ACBD6: variants seen among roughly 807,000 people sequenced by gnomAD.
ACBD6 encodes acyl-CoA binding domain containing 6, also known as acyl-CoA-binding domain-containing protein 6.
In ACBD6, 28 loss-of-function variants were observed where a neutral mutation model predicts 37.2. The ratio of observed to expected loss-of-function variants is 0.75; its 90% CI spans 0.56 to 1.03. The LOEUF (loss-of-function observed/expected upper bound fraction) is 1.03. Among genes scored for constraint, ACBD6 ranks in the 50% least tolerant of loss-of-function variants. The pLI, the probability that ACBD6 is intolerant of heterozygous loss-of-function variation, is 0.00. For synonymous variants in ACBD6, 113 were observed against 126.8 expected (o/e 0.89, Z 0.73); for missense variants, 340 against 337.4 (o/e 1.01, Z -0.06).
chr1:180,436,872 AC>A (rs1649058859), intron 3 of ACBD6, among the ~76,000 whole-genome samples: 1 of 152,318 alleles, frequency 6.6e-6, no homozygotes, highest in South Asian at 2.1e-4. Flanking sequence ...ACAGTTAACA[AC>A]ATACTCAGTG....
chr1:180,369,105 A>C (rs1332344376), intron 6 of ACBD6, among the ~76,000 whole-genome samples: 1 of 152,226 alleles, frequency 6.6e-6, no homozygotes, highest in Non-Finnish European at 1.5e-5. Context: ...GCATCTCTGT[A>C]GGAATTCACA....
At chr1:180,397,690 T>C in intron 5 of ACBD6, 85 bp from the exon 6 acceptor site, 1 of 1,100,332 alleles carries the variant, frequency 9.1e-7, no homozygotes, top group Non-Finnish European at 1.4e-6. Context: ...GACAAGGAAA[T>C]ATAAAAAATT....
intron 6 of ACBD6, among the ~76,000 whole-genome samples, chr1:180,331,544 CAT>C (rs761622493): frequency 7.2e-5 from 11 of 152,216 alleles, no homozygotes; most frequent in Non-Finnish European, 1.5e-4. Context: ...TCCCACAGCA[CAT>C]GTTCCTTGTT....
At position 180,271,895 on chromosome 1, in the gene ACBD6, C is replaced by T. The variant is rs754434517; in HGVS notation, c.*1330G>A. 1.7e-5 allele frequency: 27 copies of T among 1,613,406 alleles called. No homozygotes were observed. The highest frequency in any genetic ancestry group is 1.0e-4 in the Admixed American group (6 of 59,952). On this transcript the variant is annotated 3_prime_UTR_variant, in exon 14 of 14. Transcript: ENST00000642319. The stretch of plus-strand genomic sequence containing the variant: ...CCTGAAGAAGGATGCAGGGCGGCAC[C>T]GCTGGGGGCAGTTCTATAAGAGCGT...
intron 6 of ACBD6, among the ~76,000 whole-genome samples, chr1:180,382,600 T>G (rs1230754350): frequency 6.6e-6 from 1 of 152,134 alleles, no homozygotes; most frequent in East Asian, 1.9e-4. Flanking sequence ...ACTGGATGGC[T>G]TCACTGCTGA....
At chr1:180,274,300 C>T (rs749029677) in intron 10 of ACBD6, 1 of 1,614,208 alleles carries the variant, frequency 6.2e-7, no homozygotes, top group South Asian at 1.1e-5. Context: ...CAGGACAATC[C>T]TATCAGGACT....
intron 2 of ACBD6, among the ~76,000 whole-genome samples, 168 bp downstream of exon 2, chr1:180,495,293 C>T (rs541111186): frequency 1.3e-5 from 2 of 152,294 alleles, no homozygotes; most frequent in East Asian, 3.9e-4. Context: ...GGAGACTTAG[C>T]TAAAAGTAGA....
intron 6 of ACBD6, among the ~76,000 whole-genome samples, chr1:180,381,382 C>T (rs904987281): frequency 6.6e-6 from 1 of 152,204 alleles, no homozygotes; most frequent in Non-Finnish European, 1.5e-5. Flanking sequence ...GAGATATTTA[C>T]AGAACGTTTT....
At chr1:180,308,312 T>C (rs746114956) in intron 7 of ACBD6, among the ~76,000 whole-genome samples, 1 of 152,212 alleles carries the variant, frequency 6.6e-6, no homozygotes, top group South Asian at 2.1e-4. Context: ...GTTTACTATG[T>C]CTGCTGTCAT....
downstream of ACBD6, among the ~76,000 whole-genome samples, chr1:180,283,398 C>T (rs1649375034): frequency 6.6e-6 from 1 of 152,124 alleles, no homozygotes; most frequent in African/African-American, 2.4e-5. Flanking sequence ...GAAAAACCCA[C>T]CCTGAGTGCC....
intron 6 of ACBD6, among the ~76,000 whole-genome samples, chr1:180,383,622 C>T (rs1290318840): frequency 1.3e-5 from 2 of 152,010 alleles, no homozygotes; most frequent in Non-Finnish European, 1.5e-5. Flanking sequence ...TTCAATGCAA[C>T]CCCTATCAAA....
At chr1:180,478,475 C>T (rs1005568059) in intron 3 of ACBD6, among the ~76,000 whole-genome samples, 4 of 151,130 alleles carry the variant, frequency 2.6e-5, no homozygotes, top group Admixed American at 6.6e-5. Context: ...AAAATTTTCC[C>T]GCTCTATAAA....
chr1:180,342,515 T>C (rs1652018899), intron 6 of ACBD6, among the ~76,000 whole-genome samples: 2 of 152,160 alleles, frequency 1.3e-5, no homozygotes, highest in South Asian at 4.1e-4. Flanking sequence ...ATCATGAACA[T>C]AATTATTTGG....
chr1:180,285,232 TAAGAAA>T, downstream of ACBD6, among the ~76,000 whole-genome samples: 1 of 152,290 alleles, frequency 6.6e-6, no homozygotes, highest in South Asian at 2.1e-4. Context: ...TATGTATCAC[TAAGAAA>T]AAATGCTGGC....
At chr1:180,408,516 T>G (rs563895221) in intron 5 of ACBD6, among the ~76,000 whole-genome samples, 3 of 151,836 alleles carry the variant, frequency 2.0e-5, no homozygotes, top group Admixed American at 2.0e-4. Context: ...CTGGGGACTG[T>G]TGTGGGGTGA....
chr1:180,500,825 T>A (rs1368672460), intron 1 of ACBD6, among the ~76,000 whole-genome samples: 1 of 101,782 alleles, frequency 9.8e-6, no homozygotes, highest in African/African-American at 3.6e-5. Flanking sequence ...ACCCAGACCC[T>A]CTGTAAAAAA....
intron 3 of ACBD6, among the ~76,000 whole-genome samples, chr1:180,454,347 T>C (rs1649832579): frequency 6.6e-6 from 1 of 152,214 alleles, no homozygotes; most frequent in South Asian, 2.1e-4. Context: ...ATTGGACCCC[T>C]TCCTTACACC....
chr1:180,399,496 C>T (rs1647259104), intron 5 of ACBD6, among the ~76,000 whole-genome samples: 1 of 152,142 alleles, frequency 6.6e-6, no homozygotes, highest in Non-Finnish European at 1.5e-5. Flanking sequence ...TCTCGAACTC[C>T]TGACCTTGTG....
chr1:180,470,357 T>C (rs1650516409), intron 3 of ACBD6, among the ~76,000 whole-genome samples: 1 of 152,188 alleles, frequency 6.6e-6, no homozygotes, highest in East Asian at 1.9e-4. Flanking sequence ...TGAACAGACT[T>C]AGTCTTTACT....
Sources: gnomAD v4.1 joint callset for allele counts (sites outside exome capture counted in the v4.1 genomes callset) on GRCh38, gnomAD v4.1.1 for gene constraint, MANE v1.5 for transcripts, NCBI Gene and HGNC (gene_info 2026-07-23, HGNC 2026-07-21) for gene names.